Variants in PRELID2 observed in about 807,000 individuals in gnomAD.
PRELID2 encodes the protein PRELI domain-containing protein 2.
Under a neutral mutation model 28.4 loss-of-function variants are expected in PRELID2, and 25 were observed. That is an observed-to-expected ratio of 0.88 (90% CI 0.64 to 1.23). The LOEUF is 1.23. PRELID2 is among the 50% of genes most tolerant of loss of function. PRELID2 has a pLI of 0.00. For missense variants in PRELID2, 201 were observed against 214.4 expected (o/e 0.94, Z 0.39); for synonymous variants, 76 against 71.6 (o/e 1.06, Z -0.31).
downstream of PRELID2, among the ~76,000 whole-genome samples, chr5:145,468,889 T>G (rs1195493797): frequency 6.6e-6 from 1 of 152,218 alleles, no homozygotes; most frequent in Admixed American, 6.5e-5. Flanking sequence ...GATGGTAGTT[T>G]CTTTTGCTGT....
chr5:145,296,581 C>T, the PRELID2 span, among the ~76,000 whole-genome samples: 1 of 152,112 alleles, frequency 6.6e-6, no homozygotes, highest in Admixed American at 6.6e-5. Flanking sequence ...TTTCTTAATC[C>T]AGTCTATCAT....
At chr5:145,671,334 G>A (rs774662746) in intron 1 of PRELID2, among the ~76,000 whole-genome samples, 1 of 152,052 alleles carries the variant, frequency 6.6e-6, no homozygotes, top group Non-Finnish European at 1.5e-5. Flanking sequence ...AAACTTTTAG[G>A]TCCAATAGAG....
intron 1 of PRELID2, among the ~76,000 whole-genome samples, chr5:145,674,067 A>C (rs1239299827): frequency 6.6e-6 from 1 of 152,186 alleles, no homozygotes. Context: ...AATTTGGAAA[A>C]ACACCAAAAA....
chr5:145,606,113 T>C (rs1753499906), intron 1 of PRELID2, among the ~76,000 whole-genome samples: 1 of 152,040 alleles, frequency 6.6e-6, no homozygotes, highest in Non-Finnish European at 1.5e-5. Flanking sequence ...TTGAACATTG[T>C]TTTTGCATCC....
the PRELID2 span, among the ~76,000 whole-genome samples, chr5:145,321,798 C>T: frequency 2.6e-4 from 39 of 152,308 alleles, no homozygotes; most frequent in East Asian, 5.6e-3. Flanking sequence ...ATGGCATGTG[C>T]TGCCCTCCCT....
At position 145,681,212 on chromosome 5, in the gene PRELID2, C is replaced by T. The variant is rs552897919; in HGVS notation, n.70+83719G>A. Reference sequence around the variant, plus strand: ...TAGGCAGGAAACAGGGAGGCACGAGCGAAAATGGAAACCAGTGCTCCTCTG... The same window carrying T: ...TAGGCAGGAAACAGGGAGGCACGAGTGAAAATGGAAACCAGTGCTCCTCTG... On this transcript the variant is annotated intron_variant and non_coding_transcript_variant, in intron 1 of 2. Transcript: ENST00000510259. 7.7e-4 allele frequency among the ~76,000 whole-genome samples: 117 copies of T among 152,252 alleles called. 2 individuals are homozygous for T. Among genetic ancestry groups the T allele is most frequent in the African/African-American group, 2.7e-3 (114 of 41,554 alleles).
chr5:145,479,797 C>T (rs1280047401), intron 1 of PRELID2, among the ~76,000 whole-genome samples: 1 of 152,094 alleles, frequency 6.6e-6, no homozygotes, highest in Admixed American at 6.6e-5. Context: ...TTTCCTTAGC[C>T]ACTACATGGC....
the PRELID2 span, among the ~76,000 whole-genome samples, chr5:145,411,231 A>G: frequency 6.6e-6 from 1 of 152,210 alleles, no homozygotes; most frequent in African/African-American, 2.4e-5. Flanking sequence ...TACGTGGATG[A>G]CAGCAGGCAA....
chr5:145,346,083 C>T, the PRELID2 span, among the ~76,000 whole-genome samples: 1 of 152,130 alleles, frequency 6.6e-6, no homozygotes, highest in East Asian at 1.9e-4. Flanking sequence ...TTTTCTGCTT[C>T]TCACCAGTCT....
At chr5:145,692,946 G>A (rs1424599494) in intron 1 of PRELID2, among the ~76,000 whole-genome samples, 1 of 152,028 alleles carries the variant, frequency 6.6e-6, no homozygotes, top group Non-Finnish European at 1.5e-5. Flanking sequence ...GTTACCAAGT[G>A]GATTTCTAGC....
intron 2 of PRELID2, 32 bp from the exon 3 acceptor site, chr5:145,820,050 A>G (rs781555527): frequency 4.0e-6 from 5 of 1,264,736 alleles, no homozygotes; most frequent in Admixed American, 4.0e-5. Flanking sequence ...ACAAAAAAAA[A>G]TTAAAGAAAT....
At chr5:145,405,277 A>G in the PRELID2 span, among the ~76,000 whole-genome samples, 2 of 152,200 alleles carry the variant, frequency 1.3e-5, no homozygotes, top group Admixed American at 1.3e-4. Flanking sequence ...GAAGGACTTA[A>G]CAGCACTGTT....
chr5:145,558,688 A>C (rs1254575307), intron 1 of PRELID2, among the ~76,000 whole-genome samples: 3 of 152,226 alleles, frequency 2.0e-5, no homozygotes, highest in African/African-American at 7.2e-5. Context: ...TTGCAAGACT[A>C]TCATGCTTAT....
At chr5:145,764,867 C>G (rs1029124421) in intron 6 of PRELID2, 64 bp downstream of exon 6, 4 of 1,209,350 alleles carry the variant, frequency 3.3e-6, no homozygotes, top group African/African-American at 3.0e-5. Context: ...CTGTAGAATA[C>G]CAGGCTGATA....
intron 1 of PRELID2, among the ~76,000 whole-genome samples, chr5:145,624,347 G>C (rs1753815893): frequency 6.6e-6 from 1 of 152,160 alleles, no homozygotes; most frequent in Non-Finnish European, 1.5e-5. Context: ...GTGAGGGAGA[G>C]GGATGGGACT....
intron 1 of PRELID2, among the ~76,000 whole-genome samples, chr5:145,513,103 G>A (rs952607240): frequency 1.3e-5 from 2 of 151,884 alleles, no homozygotes; most frequent in Non-Finnish European, 2.9e-5. Flanking sequence ...ACGACTCCTC[G>A]CCAGCAAGGG....
chr5:145,420,135 C>T, the PRELID2 span, among the ~76,000 whole-genome samples: 2 of 152,044 alleles, frequency 1.3e-5, no homozygotes, highest in African/African-American at 2.4e-5. Context: ...TTACTGTAGC[C>T]TTGTAGTATA....
intron 1 of PRELID2, among the ~76,000 whole-genome samples, chr5:145,490,637 T>TC (rs1244639610): frequency 6.6e-6 from 1 of 152,112 alleles, no homozygotes; most frequent in Non-Finnish European, 1.5e-5. Flanking sequence ...TAGATGAAAA[T>TC]ATCAGGCAAT....
the PRELID2 span, among the ~76,000 whole-genome samples, chr5:145,248,595 G>T: frequency 6.6e-6 from 1 of 150,670 alleles, no homozygotes; most frequent in Non-Finnish European, 1.5e-5. Flanking sequence ...GAGATCGATC[G>T]AGAACATCCT....
Sources: gnomAD v4.1 joint callset for allele counts (sites outside exome capture counted in the v4.1 genomes callset) on GRCh38, gnomAD v4.1.1 for gene constraint, MANE v1.5 for transcripts, NCBI Gene and HGNC (gene_info 2026-07-23, HGNC 2026-07-21) for gene names.